Variants in STUM observed in about 807,000 individuals in gnomAD.
STUM encodes stum, mechanosensory transduction mediator homolog.
A neutral mutation model predicts 15.3 loss-of-function variants in STUM; 8 were observed. The observed-to-expected ratio is 0.52, with a 90% confidence interval of 0.31 to 0.94. The LOEUF (loss-of-function observed/expected upper bound fraction) is 0.94, where lower values mean the gene tolerates loss of function less well. Among genes scored for constraint, STUM ranks in the 40% least tolerant of loss-of-function variants. STUM has a pLI of 0.05. For synonymous variants in STUM, 78 were observed against 88.7 expected (o/e 0.88, Z 0.68); for missense variants, 142 against 204.9 (o/e 0.69, Z 1.87).
At chr1:226,596,400 T>C (rs1243157569) in intron 1 of STUM, among the ~76,000 whole-genome samples, 2 of 152,230 alleles carry the variant, frequency 1.3e-5, no homozygotes, top group Non-Finnish European at 2.9e-5. Flanking sequence ...ACACATCAGC[T>C]TCCACCTCAG....
rs1667853660 is a variant in STUM at position 226,578,248 on chromosome 1, T to C, written c.203-18554T>C. 2.0e-5 allele frequency among the ~76,000 whole-genome samples: 3 copies of C among 152,224 alleles called. No homozygotes were observed. In the East Asian group the frequency reaches 5.8e-4, roughly 29 times the overall value. ...TCTTTATTTTTAATTTTAAAAATGT[T>C]TTTAAAAAACTGAGATAAGGTCTCA... is the stretch of plus-strand genomic sequence containing the variant. On this transcript the variant is annotated intron_variant, in intron 1 of 3. Coordinates refer to ENST00000366788, the MANE Select transcript of STUM (RefSeq NM_001003665.4).
At chr1:226,559,896 C>T (rs1247004856) in intron 1 of STUM, among the ~76,000 whole-genome samples, 5 of 151,844 alleles carry the variant, frequency 3.3e-5, no homozygotes, top group Non-Finnish European at 2.9e-5. Flanking sequence ...TGGCGTGAAC[C>T]CGGGGGGGCG....
At chr1:226,568,538 A>AT (rs1312103830) in intron 1 of STUM, among the ~76,000 whole-genome samples, 1 of 152,220 alleles carries the variant, frequency 6.6e-6, no homozygotes, top group African/African-American at 2.4e-5. Flanking sequence ...CACACATTTA[A>AT]TTTTTTTAAA....
At chr1:226,577,940 C>G (rs1479378559) in intron 1 of STUM, among the ~76,000 whole-genome samples, 1 of 152,176 alleles carries the variant, frequency 6.6e-6, no homozygotes, top group Non-Finnish European at 1.5e-5. Flanking sequence ...GGTGGGAGGG[C>G]CTGGCCTACC....
chr1:226,589,337 G>A (rs1332825140), intron 1 of STUM, among the ~76,000 whole-genome samples: 3 of 152,160 alleles, frequency 2.0e-5, no homozygotes, highest in Non-Finnish European at 2.9e-5. Context: ...GTGCCTGACA[G>A]CCAAGCTCCA....
rs1486349116 is a variant in STUM at position 226,549,988 on chromosome 1, G to C, written c.202+882G>C. On this transcript the variant is annotated intron_variant, in intron 1 of 3. Coordinates refer to ENST00000366788, the MANE Select transcript of STUM (RefSeq NM_001003665.4). This position sits in a 1 kb window ranked among gnomAD's most constrained non-coding sequence, Gnocchi z 6.8. Reference sequence around the variant, plus strand: ...TAACTCCACCCCCAGGTCTCTGCCTGCACGCCCCTCCCCTCCTCCAGCTTG... The same window carrying C: ...TAACTCCACCCCCAGGTCTCTGCCTCCACGCCCCTCCCCTCCTCCAGCTTG... Among the ~76,000 whole-genome samples, 1 of 152,128 alleles carries C rather than the reference G, an allele frequency of 6.6e-6. No homozygotes were observed. The highest frequency in any genetic ancestry group is 1.5e-5 in the Non-Finnish European group (1 of 68,008).
intron 1 of STUM, among the ~76,000 whole-genome samples, chr1:226,553,534 T>C (rs939077420): frequency 2.0e-5 from 3 of 152,174 alleles, no homozygotes; most frequent in Non-Finnish European, 4.4e-5. Flanking sequence ...ATTAGGGATA[T>C]GATGTAGAAG....
intron 1 of STUM, among the ~76,000 whole-genome samples, chr1:226,556,822 A>G (rs1245786526): frequency 6.6e-6 from 1 of 152,240 alleles, no homozygotes; most frequent in African/African-American, 2.4e-5. Context: ...TAATATTAGC[A>G]AAATCCCCTT....
Position 226,548,958 on chromosome 1 carries a change from G to T in STUM, c.54G>T (p.Ala18=), listed in dbSNP as rs932266342. The T allele has an allele frequency of 2.7e-6, 4 of 1,472,800 alleles. No individual in the cohort carries two copies. The African/African-American group carries it at 4.4e-5, about 16-fold the overall frequency. The allele number at this position is 1,472,800 out of a possible 1,614,324, so 91.2% of individuals were successfully genotyped here. ...AETAAAAAAV[A]AADPRGASSS... ...CGGCGGCGGCGGCGGCGGCGGTGGC[G>T]GCGGCGGACCCCCGGGGGGCGTCCT... The change falls in exon 1 of 4, where the codon GCG becomes GCT. Residue 18 remains alanine (A), a synonymous_variant. Transcript: ENST00000366788.
At position 226,604,505 on chromosome 1, in the gene STUM, T is replaced by C. The variant is rs1274310233; in HGVS notation, c.*2465T>C. On this transcript the variant is annotated 3_prime_UTR_variant, in exon 4 of 4. Transcript: ENST00000366788. This position sits in a 1 kb window ranked among gnomAD's most constrained non-coding sequence, Gnocchi z 4.7. ...CTGAATGAGGCTGTGAGGGTTGCCA[T>C]GTGGGCGGGACCGGTTCAAAATAGC... 6.6e-6 allele frequency: 1 copy of C among 152,218 alleles called. No individual in the cohort carries two copies. The highest frequency in any genetic ancestry group is 1.5e-5 in the Non-Finnish European group (1 of 68,050). The allele number at this position is 152,218 out of a possible 1,614,324, so 9.4% of individuals were successfully genotyped here.
intron 1 of STUM, among the ~76,000 whole-genome samples, chr1:226,584,019 C>A (rs1327977628): frequency 3.3e-5 from 5 of 151,794 alleles, no homozygotes; most frequent in African/African-American, 4.8e-5. Flanking sequence ...AAAAAAAAAA[C>A]CATTGTGTTA....
chr1:226,578,848 G>C (rs1294915340), intron 1 of STUM, among the ~76,000 whole-genome samples: 1 of 152,060 alleles, frequency 6.6e-6, no homozygotes, highest in Non-Finnish European at 1.5e-5. Flanking sequence ...CACACCCCAG[G>C]GTTTTCTCTT....
At chr1:226,550,062 G>T (rs1667347121) in intron 1 of STUM, among the ~76,000 whole-genome samples, 1 of 152,100 alleles carries the variant, frequency 6.6e-6, no homozygotes, top group Admixed American at 6.5e-5. Context: ...TCCCGTGCCC[G>T]CCCGAAGAAC....
At chr1:226,583,485 A>G (rs1205165565) in intron 1 of STUM, among the ~76,000 whole-genome samples, 1 of 152,224 alleles carries the variant, frequency 6.6e-6, no homozygotes, top group Non-Finnish European at 1.5e-5. Context: ...AAGGCTGGGA[A>G]GGTACTTTTT....
intron 1 of STUM, among the ~76,000 whole-genome samples, chr1:226,575,600 G>A (rs1177193753): frequency 1.3e-5 from 2 of 152,242 alleles, no homozygotes; most frequent in African/African-American, 2.4e-5. Context: ...GGGAGAAGAC[G>A]GGGCAAAGGC....
At chr1:226,584,152 TG>T (rs1394196455) in intron 1 of STUM, among the ~76,000 whole-genome samples, 1 of 152,206 alleles carries the variant, frequency 6.6e-6, no homozygotes, top group East Asian at 1.9e-4. Context: ...GGTTGAGGAC[TG>T]GAATCATCTG....
chr1:226,549,297 G>A lies in STUM; in HGVS notation c.202+191G>A, dbSNP rs942690490. ...CGTGGAGTGTGCACCCCAGAGGGGA[G>A]AGGCTGCGCTGGGGTCTCCGACCCG... is the stretch of plus-strand genomic sequence containing the variant. On this transcript the variant is annotated intron_variant, in intron 1 of 3. Transcript: ENST00000366788. This position sits in a 1 kb window ranked among gnomAD's most constrained non-coding sequence, Gnocchi z 6.8. 6.6e-6 allele frequency among the ~76,000 whole-genome samples: 1 copy of A among 152,188 alleles called. No homozygotes were observed. The highest frequency in any genetic ancestry group is 2.4e-5 in the African/African-American group (1 of 41,448).
chr1:226,569,373 C>T lies in STUM; in HGVS notation c.202+20267C>T, dbSNP rs541857863. On this transcript the variant is annotated intron_variant, in intron 1 of 3. Transcript: ENST00000366788. ...TGTGAGAGGCCCAATGCTCTGTGAC[C>T]CAGCAGGGCCACTAGGCTGTGAGCC... 2.0e-5 allele frequency among the ~76,000 whole-genome samples: 3 copies of T among 152,152 alleles called. No homozygotes were observed. The South Asian group carries it at 6.2e-4, about 32-fold the overall frequency.
rs1668261712 is a variant in STUM at position 226,601,512 on chromosome 1, T to C, written c.392-494T>C. Among the ~76,000 whole-genome samples the C allele has an allele frequency of 3.9e-5, 6 of 152,340 alleles. No individual in the cohort carries two copies. In the South Asian group the frequency reaches 1.2e-3, roughly 32 times the overall value. On this transcript the variant is annotated intron_variant, in intron 3 of 3. Transcript: ENST00000366788. Reference sequence around the variant, plus strand: ...TCATGATCAACAATGTTTTAAAGGTTTAGCCTTCAGGCGCCCTTTCCTGCC... The same window carrying C: ...TCATGATCAACAATGTTTTAAAGGTCTAGCCTTCAGGCGCCCTTTCCTGCC...
Sources: gnomAD v4.1 joint callset for allele counts (sites outside exome capture counted in the v4.1 genomes callset) on GRCh38, gnomAD v4.1.1 for gene constraint, Gnocchi (gnomAD v3.1) non-coding constraint, MANE v1.5 for transcripts, NCBI Gene and HGNC (gene_info 2026-07-23, HGNC 2026-07-21) for gene names.